Variants in DOCK6 observed in about 807,000 individuals in gnomAD.
DOCK6 encodes dedicator of cytokinesis 6.
DOCK6 carries 167 observed loss-of-function variants against 230.3 expected under a neutral mutation model. That is an observed-to-expected ratio of 0.73 (90% CI 0.64 to 0.82). The LOEUF is 0.82. Among genes scored for constraint, DOCK6 ranks in the 40% least tolerant of loss-of-function variants. DOCK6 has a pLI of 0.00. For synonymous variants in DOCK6, 1,148 were observed against 1,185.0 expected, an observed-to-expected ratio of 0.97 and a Z score of 0.64; for missense variants, 2,598 against 2,825.8, an observed-to-expected ratio of 0.92 and a Z score of 1.83.
At position 11,208,971 on chromosome 19, in the gene DOCK6, A is replaced by G. The variant is rs916798834; in HGVS notation, c.4884T>C (p.Ala1628=). ...QCMVHAAALV[A]EYLALLEDHR... ...GGTCCTCGAGCAGGGCGAGGTACTC[A>G]GCCACGAGGGCGGCCGCGTGCACCA... Residue 1628 remains alanine (A), a synonymous_variant, in exon 38 of 48, where the codon GCT becomes GCC. Coordinates refer to ENST00000294618, the MANE Select transcript of DOCK6 (RefSeq NM_020812.4). 4 of 1,606,110 alleles carry G rather than the reference A, an allele frequency of 2.5e-6. No homozygotes were observed. The Admixed American group carries it at 6.7e-5, about 27-fold the overall frequency.
chr19:11,260,297 C>G (rs987279454), intron 1 of DOCK6, among the ~76,000 whole-genome samples: 1 of 152,116 alleles, frequency 6.6e-6, no homozygotes, highest in Non-Finnish European at 1.5e-5. Flanking sequence ...AAACAGACAG[C>G]AAGCTGGGCG....
intron 7 of DOCK6, 72 bp from the exon 8 acceptor site, chr19:11,245,950 G>A: frequency 1.3e-6 from 2 of 1,524,146 alleles, no homozygotes; most frequent in Middle Eastern, 1.7e-4. Flanking sequence ...TCCCTCTTGA[G>A]GCCCAAGGTG....
Position 11,260,882 on chromosome 19 carries a change from C to CAA in DOCK6, c.44+1513_44+1514dup, listed in dbSNP as rs59900669. The stretch of plus-strand genomic sequence containing the variant: ...TGGGTGACAGAGCGAGACTCTGTCT[C>CAA]AAAAAAAAAAAAAGAAAGAAAGAAA... On this transcript the variant is annotated intron_variant, in intron 1 of 47. Coordinates refer to ENST00000294618, the MANE Select transcript of DOCK6 (RefSeq NM_020812.4). Among the ~76,000 whole-genome samples, 15 of 61,768 alleles carry CAA rather than the reference C, an allele frequency of 2.4e-4. 1 individual carries two copies. The highest frequency in any genetic ancestry group is 8.4e-4 in the African/African-American group (12 of 14,314). 40.5% of individuals were successfully genotyped at this position (61,768 alleles called of 152,430 possible).
At position 11,215,451 on chromosome 19, in the gene DOCK6, G is replaced by C. The variant is rs1420965949; in HGVS notation, c.4042C>G (p.Pro1348Ala). Residue 1348 changes from proline (P) to alanine (A), a missense_variant, in exon 32 of 48, where the codon CCG (proline) becomes GCG (alanine). Coordinates refer to ENST00000294618, the MANE Select transcript of DOCK6 (RefSeq NM_020812.4). ...RSRERSPFGNPENVRWRKSVT... is the reference protein window; with the variant it reads ...RSRERSPFGNAENVRWRKSVT... ...CTCTTCCGCCAGCGCACATTCTCCGGATTCCCAAACGGGCTCCTCTCTGAG... is the reference window on the plus strand; with the variant it reads ...CTCTTCCGCCAGCGCACATTCTCCGCATTCCCAAACGGGCTCCTCTCTGAG... The C allele has an allele frequency of 1.2e-6, 2 of 1,612,856 alleles. No homozygotes were observed. The highest frequency in any genetic ancestry group is 2.7e-5 in the African/African-American group (2 of 74,298).
Position 11,252,197 on chromosome 19 carries a change from C to T in DOCK6, c.429G>A (p.Arg143=). 6.3e-7 allele frequency: 1 copy of T among 1,582,634 alleles called. No individual in the cohort carries two copies. The highest frequency in any genetic ancestry group is 1.2e-5 in the South Asian group (1 of 86,688). Residue 143 remains arginine, a synonymous_variant, in exon 5 of 48, where the codon CGG becomes CGA. Coordinates refer to ENST00000294618, the MANE Select transcript of DOCK6 (RefSeq NM_020812.4). The stretch of plus-strand genomic sequence containing the variant: ...GGCGGGGGAGGCCCTTCTGTCGCTC[C>T]CGCTGTGTGTCTGTGGTGACGGGGC... ...AYSPVTTDTQ[R]ERQKGLPRQV... is the part of the protein sequence containing the mutation.
Position 11,236,958 on chromosome 19 carries a change from G to A in DOCK6, c.2074-79C>T, listed in dbSNP as rs57336249. 28 of 1,410,830 alleles carry A rather than the reference G, an allele frequency of 2.0e-5. No homozygotes were observed. Among genetic ancestry groups the A allele is most frequent in the African/African-American group, 8.5e-5 (6 of 70,320 alleles). 87.4% of individuals were successfully genotyped at this position (1,410,830 alleles called of 1,614,324 possible). A position where few individuals can be genotyped will look rare whatever the true frequency, so the allele number is the denominator to read the frequency against. ...GTCACCCAGCGGCCCCAGCCATTGC[G>A]ACACTGCAGCGTGAGTGTAGCCCGG... is the stretch of plus-strand genomic sequence containing the variant. On this transcript the variant is annotated intron_variant, in intron 18 of 47. Transcript: ENST00000294618. The surrounding 1 kb of genome is among the most constrained non-coding windows in gnomAD (Gnocchi z 5.2).
intron 23 of DOCK6, among the ~76,000 whole-genome samples, chr19:11,228,689 A>G (rs182753508): frequency 6.6e-6 from 1 of 151,404 alleles, no homozygotes; most frequent in Non-Finnish European, 1.5e-5. Flanking sequence ...CCTCCCGAGT[A>G]TCTGGGACTA....
chr19:11,245,516 C>A, intron 9 of DOCK6, 47 bp downstream of exon 9: 1 of 1,507,894 alleles, frequency 6.6e-7, no homozygotes, highest in South Asian at 1.2e-5. Flanking sequence ...GGGACTAAAT[C>A]AGTGACATTC....
chr19:11,240,949 A>G (rs559594665), intron 14 of DOCK6, among the ~76,000 whole-genome samples: 2 of 151,942 alleles, frequency 1.3e-5, no homozygotes, highest in East Asian at 3.9e-4. Context: ...ATGCCCTTTA[A>G]TAATCCATAT....
At chr19:11,228,012 T>C (rs1400765181) in intron 23 of DOCK6, among the ~76,000 whole-genome samples, 1 of 137,378 alleles carries the variant, frequency 7.3e-6, no homozygotes, top group Non-Finnish European at 1.6e-5. Flanking sequence ...GCTTTCCCTC[T>C]TTTTTTTTTT....
rs2310806 is a variant in DOCK6 at position 11,248,340 on chromosome 19, C to A, written c.721-189G>T. Among the ~76,000 whole-genome samples, 1,718 of 152,196 alleles carry A rather than the reference C, an allele frequency of 0.011. 25 individuals are homozygous for A. Among genetic ancestry groups the A allele is most frequent in the Admixed American group, 0.028 (427 of 15,278 alleles). On this transcript the variant is annotated intron_variant, in intron 6 of 47. Transcript: ENST00000294618. Reference sequence around the variant, plus strand: ...CATCTTCTCCCACTCCTCCTTGTCTCGCTAATGTCTGCTCACTGTTCATAT... The same window carrying A: ...CATCTTCTCCCACTCCTCCTTGTCTAGCTAATGTCTGCTCACTGTTCATAT...
In DOCK6 at chr19:11,238,166, C is replaced by A. The variant is rs374145298; in HGVS notation, c.1761+21G>T. On this transcript the variant is annotated intron_variant, in intron 15 of 47. Transcript: ENST00000294618. ...CCATGGGGGATGCCCTACCCCCCTT[C>A]CCTGGGGCACAGCCACTGACCGGCA... 8.7e-6 allele frequency: 14 copies of A among 1,613,838 alleles called. No homozygotes were observed. The African/African-American group carries it at 1.6e-4, about 18-fold the overall frequency.
In DOCK6 at chr19:11,237,723, TTC is replaced by T; in HGVS notation, c.1887_1888del (p.Asn630ProfsTer176). 1 of 1,584,580 alleles carries T rather than the reference TTC, an allele frequency of 6.3e-7. No homozygotes were observed. Among genetic ancestry groups the T allele is most frequent in the Non-Finnish European group, 8.6e-7 (1 of 1,166,086 alleles). The stretch of plus-strand genomic sequence containing the variant: ...GTAGAAGGTGAACAGCAGGTGATGG[TTC>T]TCTGTCACGCAGGCTGGAAGATGCA... On this transcript the variant is annotated frameshift_variant, in exon 17 of 48. Transcript: ENST00000294618. LOFTEE classifies it high-confidence loss of function.
rs1215780361 is a variant in DOCK6 at position 11,201,444 on chromosome 19, G to T, written c.5689-392C>A. Among the ~76,000 whole-genome samples the T allele has an allele frequency of 1.3e-5, 2 of 151,252 alleles. No homozygotes were observed. Among genetic ancestry groups the T allele is most frequent in the African/African-American group, 2.4e-5 (1 of 41,102 alleles). ...CTCCCTGGGCCTTCTTAGATTTGGA[G>T]TCCCTGTGCCTCCCCTTTGTGAGTC... On this transcript the variant is annotated intron_variant, in intron 44 of 47. Coordinates refer to ENST00000294618, the MANE Select transcript of DOCK6 (RefSeq NM_020812.4). This position sits in a 1 kb window ranked among gnomAD's most constrained non-coding sequence, Gnocchi z 4.3.
chr19:11,216,413 CTTT>C (rs1192279471), intron 30 of DOCK6, among the ~76,000 whole-genome samples: 2 of 140,984 alleles, frequency 1.4e-5, no homozygotes, highest in African/African-American at 2.7e-5. Context: ...TTCTTTTCTT[CTTT>C]TTTTTTTTTG....
intron 41 of DOCK6, chr19:11,203,678 A>T: frequency 4.2e-6 from 1 of 237,618 alleles, no homozygotes; most frequent in East Asian, 9.4e-5. Flanking sequence ...GAAGCTGGGT[A>T]CGCAGGGAGA....
In DOCK6 at chr19:11,215,435, C is replaced by T. The variant is rs755947917; in HGVS notation, c.4058G>A (p.Trp1353Ter). 22 of 1,613,614 alleles carry T rather than the reference C, an allele frequency of 1.4e-5. No homozygotes were observed. In the South Asian group the frequency reaches 2.2e-4, roughly 16 times the overall value. Residue 1353 changes from tryptophan to a stop codon, truncating the protein, a stop_gained, in exon 32 of 48, where the codon TGG (tryptophan) becomes TAG (stop). Transcript: ENST00000294618. LOFTEE classifies it high-confidence loss of function. The part of the protein sequence containing the change: ...SPFGNPENVR[W>*]RKSVTHWKQT... The stretch of plus-strand genomic sequence containing the variant: ...CTTCCAGTGTGTGACGCTCTTCCGC[C>T]AGCGCACATTCTCCGGATTCCCAAA...
intron 21 of DOCK6, among the ~76,000 whole-genome samples, 166 bp from the exon 22 acceptor site, chr19:11,233,532 G>A (rs1299038983): frequency 6.6e-6 from 1 of 152,048 alleles, no homozygotes; most frequent in East Asian, 1.9e-4. Context: ...GATTGGGGGG[G>A]CACTGAAAAA....
intron 41 of DOCK6, chr19:11,203,609 G>A (rs538200009): frequency 1.8e-5 from 3 of 169,510 alleles, no homozygotes; most frequent in South Asian, 3.6e-4. Flanking sequence ...GATTCGGGGG[G>A]GCTGGAGCGG....
Sources: gnomAD v4.1 joint callset for allele counts (sites outside exome capture counted in the v4.1 genomes callset) on GRCh38, gnomAD v4.1.1 for gene constraint, Gnocchi (gnomAD v3.1) non-coding constraint, MANE v1.5 for transcripts, NCBI Gene and HGNC (gene_info 2026-07-23, HGNC 2026-07-21) for gene names.